Variants in DNASE1 observed in about 807,000 individuals in gnomAD.
DNASE1 encodes deoxyribonuclease 1.
Under a neutral mutation model 33.9 loss-of-function variants are expected in DNASE1, and 40 were observed. That is an observed-to-expected ratio of 1.18 (90% confidence interval 0.92 to 1.54). The LOEUF (loss-of-function observed/expected upper bound fraction) is 1.54. Among genes scored for constraint, DNASE1 ranks in the 40% most tolerant of loss-of-function variants. The pLI is 0.00. For missense variants in DNASE1, 518 were observed against 372.6 expected, an observed-to-expected ratio of 1.39 and a Z score of -3.21; for synonymous variants, 216 against 160.0, an observed-to-expected ratio of 1.35 and a Z score of -2.64.
At chr16:3,656,870 T>G (rs1596654109) in intron 5 of DNASE1, 117 bp downstream of exon 5, 1 of 1,543,310 alleles carries the variant, frequency 6.5e-7, no homozygotes, top group Non-Finnish European at 8.7e-7. Flanking sequence ...GGGGCTTGGG[T>G]TTTCCATTCA....
downstream of DNASE1, chr16:3,662,362 C>T (rs993758843): frequency 1.6e-6 from 1 of 607,702 alleles, no homozygotes; most frequent in Non-Finnish European, 2.9e-6. Context: ...TGGTGCCCCG[C>T]TGCTGCCTCC....
chr16:3,631,182 C>G (rs2151177585), intron 1 of DNASE1, among the ~76,000 whole-genome samples: 1 of 152,012 alleles, frequency 6.6e-6, no homozygotes, highest in South Asian at 2.1e-4. Context: ...GCCATCACAC[C>G]CAGCTAATTT....
chr16:3,642,318 C>G (rs2042046627), upstream of DNASE1, among the ~76,000 whole-genome samples: 1 of 152,232 alleles, frequency 6.6e-6, no homozygotes, highest in South Asian at 2.1e-4. Context: ...TTGGGCACTC[C>G]TGTGTCACCC....
intron 1 of DNASE1, 85 bp downstream of exon 1, chr16:3,655,129 T>G: frequency 3.3e-6 from 2 of 602,582 alleles, no homozygotes; most frequent in South Asian, 2.0e-5. Context: ...CAGCAGCGAG[T>G]GAGGCGGAGG....
At chr16:3,616,371 G>T (rs117534157) in intron 1 of DNASE1, among the ~76,000 whole-genome samples, 1 of 152,180 alleles carries the variant, frequency 6.6e-6, no homozygotes, top group South Asian at 2.1e-4. Context: ...CTGTAATCCC[G>T]GCATTTTGGG....
At position 3,616,113 on chromosome 16, in the gene DNASE1, A is replaced by G. The variant is rs547988108; in HGVS notation, c.-1359+4107A>G. ...CTGTTTTTACGTGTATAAGTATACA[A>G]AAGTTATTCGAGATGAGTTACACTG... On this transcript the variant is annotated intron_variant and NMD_transcript_variant, in intron 1 of 11. Coordinates refer to the DNASE1 transcript ENST00000570769. Among the ~76,000 whole-genome samples, 45 of 152,334 alleles carry G rather than the reference A, an allele frequency of 3.0e-4. 1 individual carries two copies. The South Asian group carries it at 9.3e-3, about 32-fold the overall frequency.
intron 1 of DNASE1, among the ~76,000 whole-genome samples, chr16:3,633,677 C>T (rs766329403): frequency 2.0e-5 from 3 of 152,012 alleles, no homozygotes; most frequent in Non-Finnish European, 2.9e-5. Flanking sequence ...AATCCAATTC[C>T]ACTTTCACCT....
intron 1 of DNASE1, among the ~76,000 whole-genome samples, chr16:3,616,961 G>A (rs557740006): frequency 6.6e-6 from 1 of 152,286 alleles, no homozygotes; most frequent in South Asian, 2.1e-4. Context: ...AATGAAGTTA[G>A]ACCCTTACCT....
intron 1 of DNASE1, among the ~76,000 whole-genome samples, chr16:3,629,761 AC>A (rs1452109784): frequency 2.0e-5 from 3 of 152,182 alleles, no homozygotes; most frequent in Non-Finnish European, 4.4e-5. Context: ...CTTACTAGTT[AC>A]AGGTCTCTTC....
chr16:3,634,630 C>G (rs1335994732), intron 1 of DNASE1, among the ~76,000 whole-genome samples: 1 of 152,102 alleles, frequency 6.6e-6, no homozygotes, highest in Non-Finnish European at 1.5e-5. Context: ...CTGCTTCAGC[C>G]CCTCAAGTAG....
At chr16:3,664,578 C>G in exon 10 of DNASE1, 1 of 1,128,254 alleles carries the variant, frequency 8.9e-7, no homozygotes, top group Non-Finnish European at 1.2e-6. Context: ...CTGGCCCTGA[C>G]CCGAGGGACG....
In DNASE1 at chr16:3,657,763, G is replaced by A. The variant is rs750030744; in HGVS notation, c.748G>A (p.Asp250Asn). The A allele has an allele frequency of 9.9e-6, 16 of 1,613,936 alleles. No homozygotes were observed. In the East Asian group the frequency reaches 2.2e-4, roughly 22 times the overall value. The change falls in exon 8 of 9, where the codon GAC (aspartate) becomes AAC (asparagine). Residue 250 changes from aspartate (D) to asparagine (N), a missense_variant. Asp to Asn is a conservative substitution (Grantham distance 23, BLOSUM62 1). Coordinates refer to ENST00000246949, the MANE Select transcript of DNASE1 (RefSeq NM_005223.4). ...GCTGCTCCGAGGCGCCGTTGTTCCC[G>A]ACTCGGCTCTTCCCTTTAACTTCCA... ...GMLLRGAVVPDSALPFNFQAA... is the reference protein window; with the variant it reads ...GMLLRGAVVPNSALPFNFQAA...
downstream of DNASE1, chr16:3,660,394 T>G (rs117973551): frequency 0.046 from 6,968 of 152,332 alleles, 213 homozygotes; most frequent in Admixed American, 0.064. Context: ...CCCACCACTT[T>G]GGGAGGCCAA....
chr16:3,658,948 T>TTTAAAGAAGCACAGTAAGAC, downstream of DNASE1: 1 of 1,410,766 alleles, frequency 7.1e-7, no homozygotes, highest in Non-Finnish European at 1.0e-6. Flanking sequence ...TATCAGGATA[T>TTTAAAGAAGCACAGTAAGAC]TTAAAGAAGC....
chr16:3,664,073 AAAAC>A (rs974033848), exon 10 of DNASE1: 15 of 576,416 alleles, frequency 2.6e-5, no homozygotes, highest in South Asian at 8.4e-5. Flanking sequence ...AAAAAAACAA[AAAAC>A]AAACAAAAAA....
chr16:3,654,546 C>T (rs1294879755), upstream of DNASE1: 1 of 398,574 alleles, frequency 2.5e-6, no homozygotes, highest in Non-Finnish European at 4.4e-6. Context: ...GACTGGAGCC[C>T]AGCCCCACCC....
rs1405575619 is a variant in DNASE1, at chr16:3,654,993, C to T, written c.-53C>T. On this transcript the variant is annotated 5_prime_UTR_variant, in exon 1 of 9. Coordinates refer to ENST00000246949, the MANE Select transcript of DNASE1 (RefSeq NM_005223.4). ...AGAAAATTGTCATCAAAGGATATTCCAGATTCTTGACAGCATTCTCGTCAT... is the reference window on the plus strand; with the variant it reads ...AGAAAATTGTCATCAAAGGATATTCTAGATTCTTGACAGCATTCTCGTCAT... 15 of 480,790 alleles carry T rather than the reference C, an allele frequency of 3.1e-5. No individual in the cohort carries two copies. The highest frequency in any genetic ancestry group is 5.1e-5 in the Non-Finnish European group (14 of 274,758). The allele number at this position is 480,790 out of a possible 1,614,324, so 29.8% of individuals were successfully genotyped here.
At chr16:3,654,524 A>G (rs966599159), upstream of DNASE1, 3 of 398,548 alleles carry the variant, frequency 7.5e-6, no homozygotes, top group Non-Finnish European at 1.3e-5. Flanking sequence ...GCCCCCAGAC[A>G]AGAGACAGGG....
chr16:3,648,554 G>A (rs1388635606), intron 1 of DNASE1, among the ~76,000 whole-genome samples: 1 of 152,182 alleles, frequency 6.6e-6, no homozygotes, highest in East Asian at 1.9e-4. Flanking sequence ...CCAGAGGCAG[G>A]CTGCAGTGCA....
Sources: allele counts gnomAD v4.1 joint callset (sites outside exome capture counted in the v4.1 genomes callset), GRCh38; gene constraint gnomAD v4.1.1; transcripts MANE v1.5; gene names NCBI Gene and HGNC (gene_info 2026-07-23, HGNC 2026-07-21).